Variants in TFAP2E observed in about 807,000 individuals in gnomAD.
TFAP2E encodes transcription factor AP-2 epsilon.
Under a neutral mutation model 37.9 loss-of-function variants are expected in TFAP2E, and 30 were observed. The ratio of observed to expected loss-of-function variants is 0.79; its 90% CI spans 0.59 to 1.07. TFAP2E has a LOEUF of 1.07. Ranked by LOEUF, TFAP2E falls within the 50% of genes least tolerant of loss-of-function variation. The pLI, the probability that TFAP2E is intolerant of heterozygous loss-of-function variation, is 0.00. For missense variants in TFAP2E, 567 were observed against 637.9 expected, an observed-to-expected ratio of 0.89 and a Z score of 1.20; for synonymous variants, 318 against 295.8, an observed-to-expected ratio of 1.08 and a Z score of -0.77.
rs558550190 is a variant in TFAP2E at position 35,573,764 on chromosome 1, C to T, written c.27+160C>T. ...GCGATGCGCAAGTGACCGCTGTCCC[C>T]AGCCTGAGGCTCCTGCGCCCGCGGG... is the stretch of plus-strand genomic sequence containing the variant. On this transcript the variant is annotated intron_variant, in intron 1 of 6. Coordinates refer to ENST00000373235, the MANE Select transcript of TFAP2E (RefSeq NM_178548.4). This position sits in a 1 kb window ranked among gnomAD's most constrained non-coding sequence, Gnocchi z 5.9. The T allele has an allele frequency of 2.5e-5, 35 of 1,375,980 alleles. No individual in the cohort carries two copies. The highest frequency in any genetic ancestry group is 2.7e-4 in the Middle Eastern group (1 of 3,734). 85.2% of individuals were successfully genotyped at this position (1,375,980 alleles called of 1,614,324 possible). A position where few individuals can be genotyped will look rare whatever the true frequency, so the allele number is the denominator to read the frequency against.
Position 35,588,649 on chromosome 1 carries a change from C to T in TFAP2E, c.785+97C>T. 1 of 1,275,812 alleles carries T rather than the reference C, an allele frequency of 7.8e-7. No individual in the cohort carries two copies. Among genetic ancestry groups the T allele is most frequent in the South Asian group, 1.6e-5 (1 of 61,508 alleles). The allele number at this position is 1,275,812 out of a possible 1,614,324, so 79.0% of individuals were successfully genotyped here. ...AGAGGAGGCCAGTCTCACCTAGGCC[C>T]TCTGCCTCAGTCTCCCTGGGAGGGG... is the stretch of plus-strand genomic sequence containing the variant. On this transcript the variant is annotated intron_variant, in intron 4 of 6. Transcript: ENST00000373235. The surrounding 1 kb of genome is among the most constrained non-coding windows in gnomAD (Gnocchi z 5.1).
chr1:35,575,254 C>A (rs1377647715), intron 3 of TFAP2E, among the ~76,000 whole-genome samples: 1 of 152,200 alleles, frequency 6.6e-6, no homozygotes, highest in Non-Finnish European at 1.5e-5. Context: ...CTCTCCCCGC[C>A]GAGGGGGAGG....
At chr1:35,589,230 G>A (rs1242196597) in intron 4 of TFAP2E, among the ~76,000 whole-genome samples, 2 of 141,288 alleles carry the variant, frequency 1.4e-5, no homozygotes, top group Admixed American at 7.5e-5. Flanking sequence ...GTGTGTGTGT[G>A]TGTGTGATTG....
At position 35,577,012 on chromosome 1, in the gene TFAP2E, C is replaced by T. The variant is rs1571097281; in HGVS notation, c.562+2012C>T. Among the ~76,000 whole-genome samples, 1 of 103,642 alleles carries T rather than the reference C, an allele frequency of 9.6e-6. No individual in the cohort carries two copies. The highest frequency in any genetic ancestry group is 1.9e-5 in the Non-Finnish European group (1 of 52,602). 68.0% of individuals were successfully genotyped at this position (103,642 alleles called of 152,430 possible). ...CCCAGCGCCAGCGGGACCCCAGCGC[C>T]AGCGGGACCCCAGCGCCAGCGGGAC... is the stretch of plus-strand genomic sequence containing the variant. On this transcript the variant is annotated intron_variant, in intron 3 of 6. Transcript: ENST00000373235. The surrounding 1 kb of genome is among the most constrained non-coding windows in gnomAD (Gnocchi z 6.3).
chr1:35,578,685 C>G (rs960963326), intron 3 of TFAP2E, among the ~76,000 whole-genome samples: 2 of 152,042 alleles, frequency 1.3e-5, no homozygotes, highest in Non-Finnish European at 2.9e-5. Context: ...GAGGAGGGAG[C>G]TGGGGAGGGT....
intron 3 of TFAP2E, among the ~76,000 whole-genome samples, chr1:35,579,371 G>A (rs1245771768): frequency 2.0e-5 from 3 of 151,148 alleles, no homozygotes; most frequent in African/African-American, 4.9e-5. Context: ...ACTCCAGCCT[G>A]GACAACAACA....
chr1:35,584,284 G>A (rs945111552), intron 3 of TFAP2E, among the ~76,000 whole-genome samples: 3 of 151,826 alleles, frequency 2.0e-5, no homozygotes, highest in Non-Finnish European at 4.4e-5. Context: ...ATTTTTTTTT[G>A]TAGAGATGAG....
At chr1:35,591,147 TG>T (rs145717026) in intron 6 of TFAP2E, among the ~76,000 whole-genome samples, 3,083 of 152,246 alleles carry the variant, frequency 0.02, 92 homozygotes, top group East Asian at 0.062. Context: ...TGGGCACACT[TG>T]GGTGCCACAT....
At chr1:35,575,032 C>T (rs1326373087) in intron 3 of TFAP2E, 32 bp downstream of exon 3, 1 of 1,613,422 alleles carries the variant, frequency 6.2e-7, no homozygotes, top group Admixed American at 1.7e-5. Flanking sequence ...CAGAGCCCGG[C>T]GAGATGGTGC....
rs1035804872 is a variant in TFAP2E, at chr1:35,577,800, C to A, written c.562+2800C>A. On this transcript the variant is annotated intron_variant, in intron 3 of 6. Transcript: ENST00000373235. The surrounding 1 kb of genome is among the most constrained non-coding windows in gnomAD (Gnocchi z 6.3). ...GAGGGGCGGCCAGGCGAAGCCCCGG[C>A]GCTTTACCACACACTTCCGGGTCCC... 5 of 235,874 alleles carry A rather than the reference C, an allele frequency of 2.1e-5. No homozygotes were observed. The highest frequency in any genetic ancestry group is 9.3e-5 in the South Asian group (2 of 21,464). The allele number at this position is 235,874 out of a possible 1,614,324, so 14.6% of individuals were successfully genotyped here.
chr1:35,590,568 A>G lies in TFAP2E; in HGVS notation c.905-66A>G. ...AGGATACCCCTGACCAGGGGGTCAG[A>G]GGTTCAAAGCTGTGTTCCAGGCGCA... On this transcript the variant is annotated intron_variant, in intron 5 of 6. Transcript: ENST00000373235. The surrounding 1 kb of genome is among the most constrained non-coding windows in gnomAD (Gnocchi z 6.2). The G allele has an allele frequency of 1.4e-6, 2 of 1,399,466 alleles. No individual in the cohort carries two copies. Among genetic ancestry groups the G allele is most frequent in the South Asian group, 3.8e-5 (2 of 52,554 alleles). 86.7% of individuals were successfully genotyped at this position (1,399,466 alleles called of 1,614,324 possible).
At chr1:35,578,585 G>C (rs1355693379) in intron 3 of TFAP2E, among the ~76,000 whole-genome samples, 1 of 152,034 alleles carries the variant, frequency 6.6e-6, no homozygotes, top group Non-Finnish European at 1.5e-5. Context: ...CCCTCTCCAC[G>C]GGCTCAGCTG....
At chr1:35,578,752 C>G (rs958376462) in intron 3 of TFAP2E, among the ~76,000 whole-genome samples, 1 of 152,134 alleles carries the variant, frequency 6.6e-6, no homozygotes, top group African/African-American at 2.4e-5. Context: ...GAGTGAGATA[C>G]TGACTTCTGG....
chr1:35,594,760 A>C lies in TFAP2E; in HGVS notation c.*84A>C. 1 of 1,579,700 alleles carries C rather than the reference A, an allele frequency of 6.3e-7. No individual in the cohort carries two copies. Among genetic ancestry groups the C allele is most frequent in the Non-Finnish European group, 8.6e-7 (1 of 1,165,966 alleles). On this transcript the variant is annotated 3_prime_UTR_variant, in exon 7 of 7. Coordinates refer to ENST00000373235, the MANE Select transcript of TFAP2E (RefSeq NM_178548.4). ...TTGGGGGTGGGCCTGGAAGGACTGA[A>C]AGGTGGGATTAGAGTCAGGCCAGAA...
chr1:35,573,980 GC>G lies in TFAP2E; in HGVS notation c.85del (p.Gln29ArgfsTer149). On this transcript the variant is annotated frameshift_variant, in exon 2 of 7. Coordinates refer to ENST00000373235, the MANE Select transcript of TFAP2E (RefSeq NM_178548.4). LOFTEE classifies it high-confidence loss of function. The surrounding 1 kb of genome is among the most constrained non-coding windows in gnomAD (Gnocchi z 5.9). ...AAGGARLSSL[P>X]QAAYGPAPPL... ...CCGGCGGGGCCCGCCTGTCGTCTCT[GC>G]CCCAGGCGGCCTACGGGCCGGCGCC... 6.7e-7 allele frequency: 1 copy of G among 1,484,950 alleles called. No individual in the cohort carries two copies. The highest frequency in any genetic ancestry group is 8.9e-7 in the Non-Finnish European group (1 of 1,128,948). The allele number at this position is 1,484,950 out of a possible 1,614,324, so 92.0% of individuals were successfully genotyped here.
Position 35,594,455 on chromosome 1 carries a change from C to A in TFAP2E, c.1108C>A (p.Arg370Ser), listed in dbSNP as rs201962301. Residue 370 changes from arginine to serine, a missense_variant, in exon 7 of 7, where the codon CGC (arginine) becomes AGC (serine). Physicochemically the swap from Arg to Ser is moderately radical, Grantham distance 110. Transcript: ENST00000373235. ...GGACCGCTCACCGCTGGGCAACAGC[C>A]GCCCAGCACTCATCCTGGAGCCCGG... ...AQDRSPLGNS[R>S]PALILEPGVQ... The A allele has an allele frequency of 1.2e-6, 2 of 1,614,040 alleles. No individual in the cohort carries two copies. The highest frequency in any genetic ancestry group is 2.7e-5 in the African/African-American group (2 of 74,932).
rs1649569754 is a variant in TFAP2E at position 35,588,949 on chromosome 1, T to C, written c.785+397T>C. On this transcript the variant is annotated intron_variant, in intron 4 of 6. Transcript: ENST00000373235. The surrounding 1 kb of genome is among the most constrained non-coding windows in gnomAD (Gnocchi z 5.1). ...CCTGTGTGTTTTGGGGTGTGGAGCA[T>C]GGTAGTCCATGGTTCATCTTCCTAG... 6.6e-6 allele frequency among the ~76,000 whole-genome samples: 1 copy of C among 152,060 alleles called. No individual in the cohort carries two copies. The highest frequency in any genetic ancestry group is 1.5e-5 in the Non-Finnish European group (1 of 67,980).
chr1:35,575,015 G>A lies in TFAP2E; in HGVS notation c.562+15G>A. 6.2e-7 allele frequency: 1 copy of A among 1,613,846 alleles called. No homozygotes were observed. The highest frequency in any genetic ancestry group is 8.5e-7 in the Non-Finnish European group (1 of 1,179,990). Reference sequence around the variant, plus strand: ...GATCAAGAAAGGTAAGGAATGGTCTGTCAGGGCAGAGCCCGGCGAGATGGT... The same window carrying A: ...GATCAAGAAAGGTAAGGAATGGTCTATCAGGGCAGAGCCCGGCGAGATGGT... On this transcript the variant is annotated intron_variant, in intron 3 of 6. Coordinates refer to ENST00000373235, the MANE Select transcript of TFAP2E (RefSeq NM_178548.4).
Position 35,595,177 on chromosome 1 carries a change from CTCAGAGAGAAGTGGGCAGGAGGGG to C in TFAP2E, c.*504_*527del, listed in dbSNP as rs1649796261. 5.9e-6 allele frequency: 1 copy of C among 170,168 alleles called. No individual in the cohort carries two copies. The highest frequency in any genetic ancestry group is 1.2e-5 in the Non-Finnish European group (1 of 81,344). The allele number at this position is 170,168 out of a possible 1,614,324, so 10.5% of individuals were successfully genotyped here. On this transcript the variant is annotated 3_prime_UTR_variant, in exon 7 of 7. Transcript: ENST00000373235. ...GTGGACTCTTTGTACCCTTCCTACTCTCAGAGAGAAGTGGGCAGGAGGGGTCCTCAAGGAACAAAGAAGATAAAG... is the reference window on the plus strand; with the variant it reads ...GTGGACTCTTTGTACCCTTCCTACTCTCCTCAAGGAACAAAGAAGATAAAG...
Sources: allele counts gnomAD v4.1 joint callset (sites outside exome capture counted in the v4.1 genomes callset), GRCh38; gene constraint gnomAD v4.1.1; non-coding constraint Gnocchi (gnomAD v3.1); transcripts MANE v1.5; gene names NCBI Gene and HGNC (gene_info 2026-07-23, HGNC 2026-07-21).